Variants in CTC1 observed in about 807,000 individuals in gnomAD.
CTC1 encodes CST complex subunit CTC1.
A neutral mutation model predicts 136.3 loss-of-function variants in CTC1; 91 were observed. The observed-to-expected ratio is 0.67, with a 90% CI of 0.56 to 0.79. CTC1 has a LOEUF of 0.79. Among genes scored for constraint, CTC1 ranks in the 30% least tolerant of loss-of-function variants. The pLI, the probability that CTC1 is intolerant of heterozygous loss-of-function variation, is 0.00. For synonymous variants in CTC1, 606 were observed against 613.8 expected, an observed-to-expected ratio of 0.99 and a Z score of 0.19; for missense variants, 1,432 against 1,498.1, an observed-to-expected ratio of 0.96 and a Z score of 0.73.
chr17:8,235,256 C>T lies in CTC1; in HGVS notation c.1236G>A (p.Val412=). 6.2e-7 allele frequency: 1 copy of T among 1,614,038 alleles called. No individual in the cohort carries two copies. Among genetic ancestry groups the T allele is most frequent in the African/African-American group, 1.3e-5 (1 of 75,036 alleles). ...GCACTGGCCTTCTTGTCCCCCCTCC[C>T]ACTGACTGGAGCAGGTGAACATCCT... ...QLQDVHLLQS[V]GGGTRRPVLA... The change falls in exon 8 of 23, where the codon GTG becomes GTA. Residue 412 remains valine (V), a synonymous_variant. Transcript: ENST00000651323.
At position 8,235,280 on chromosome 17, in the gene CTC1, C is replaced by G; in HGVS notation, c.1212G>C (p.Gln404His). 2.5e-6 allele frequency: 4 copies of G among 1,611,832 alleles called. No homozygotes were observed. Among genetic ancestry groups the G allele is most frequent in the Non-Finnish European group, 2.5e-6 (3 of 1,178,126 alleles). The change falls in exon 8 of 23, where the codon CAG (glutamine) becomes CAC (histidine). Residue 404 changes from glutamine (Q) to histidine (H), a missense_variant. Physicochemically the swap from Gln to His is conservative, Grantham distance 24. Coordinates refer to ENST00000651323, the MANE Select transcript of CTC1 (RefSeq NM_025099.6). ...CCACTGACTGGAGCAGGTGAACATC[C>G]TGGAGCTGGGGGAAAGCAGAGAAAA... is the stretch of plus-strand genomic sequence containing the variant. ...VMRPGVCLQL[Q>H]DVHLLQSVGG... is the part of the protein sequence containing the mutation.
chr17:8,242,555 TATATATATATATATATATATATATACAC>T (rs1988354751), intron 2 of CTC1, among the ~76,000 whole-genome samples: 1 of 54,018 alleles, frequency 1.9e-5, no homozygotes. Context: ...AAAAAAAAAA[TATATATATATATATATATATATATACAC>T]ATATATATAT....
intron 10 of CTC1, 53 bp downstream of exon 10, chr17:8,234,402 A>T (rs956767302): frequency 4.6e-5 from 69 of 1,496,114 alleles, no homozygotes; most frequent in Non-Finnish European, 5.9e-5. Flanking sequence ...GAGTCGTGGC[A>T]ATAAGGATGA....
At chr17:8,237,302 T>C in intron 5 of CTC1, 73 bp downstream of exon 5, 4 of 1,559,848 alleles carry the variant, frequency 2.6e-6, no homozygotes, top group Admixed American at 1.7e-5. Context: ...GCTCCTCCTA[T>C]GATGCTATCT....
Position 8,228,867 on chromosome 17 carries a change from C to T in CTC1, c.3247G>A (p.Glu1083Lys), listed in dbSNP as rs201885165. 417 of 1,613,706 alleles carry T rather than the reference C, an allele frequency of 2.6e-4. 1 individual carries two copies. The highest frequency in any genetic ancestry group is 3.3e-4 in the Non-Finnish European group (392 of 1,179,838). ...TGATTCCTACAGGTCACCACGGCTT[C>T]GGCAGTCCCATCCTCCACCAGGAGC... ...IRLLVEDGTA[E>K]AVVTCRNHHV... Residue 1083 changes from glutamate to lysine, a missense_variant, in exon 21 of 23, where the codon GAA (glutamate) becomes AAA (lysine). By Grantham distance (56) the Glu-to-Lys change is moderately conservative. Coordinates refer to ENST00000651323, the MANE Select transcript of CTC1 (RefSeq NM_025099.6).
rs1412228092 is a variant in CTC1 at position 8,246,026 on chromosome 17, G to C, written c.33+1978C>G. Reference sequence around the variant, plus strand: ...TTGAGACCCGCCTGGGCAACATGGTGAAACTCTAAAACAATTCAAAATTAG... The same window carrying C: ...TTGAGACCCGCCTGGGCAACATGGTCAAACTCTAAAACAATTCAAAATTAG... On this transcript the variant is annotated intron_variant, in intron 1 of 22. Transcript: ENST00000651323. Among the ~76,000 whole-genome samples the C allele has an allele frequency of 2.0e-5, 3 of 150,332 alleles. 1 individual carries two copies. The highest frequency in any genetic ancestry group is 1.3e-4 in the Admixed American group (2 of 14,888).
intron 15 of CTC1, 75 bp downstream of exon 15, chr17:8,231,200 AG>A: frequency 8.7e-7 from 1 of 1,148,992 alleles, no homozygotes; most frequent in Non-Finnish European, 1.2e-6. Context: ...CAGAAAATGA[AG>A]TCTTCACCAA....
rs1567609845 is a variant in CTC1 at position 8,235,846 on chromosome 17, A to AG, written c.1190dup (p.Gly398TrpfsTer130). 1 of 1,612,398 alleles carries AG rather than the reference A, an allele frequency of 6.2e-7. No homozygotes were observed. Among genetic ancestry groups the AG allele is most frequent in the Non-Finnish European group, 8.5e-7 (1 of 1,178,764 alleles). On this transcript the variant is annotated frameshift_variant, in exon 7 of 23. Transcript: ENST00000651323. LOFTEE classifies it high-confidence loss of function. The stretch of plus-strand genomic sequence containing the variant: ...TCTCACATACCTGCAGACACACTCC[A>AG]GGTCGCATCACCCGCCTAAGGCCAC...
rs201318282 is a variant in CTC1 at position 8,236,115 on chromosome 17, C to T, written c.1020G>A (p.Ser340=). The stretch of plus-strand genomic sequence containing the variant: ...GACTTTCTGGATCCTTCTTGTCCTC[C>T]GAGTTGCTGGGCATGGGGAGTGGCT... ...DPKPLPMPSN[S]EDKKDPESLV... is the part of the protein sequence containing the mutation. The change falls in exon 6 of 23, where the codon TCG becomes TCA. Residue 340 remains serine, a synonymous_variant. Coordinates refer to ENST00000651323, the MANE Select transcript of CTC1 (RefSeq NM_025099.6). 16 of 1,614,196 alleles carry T rather than the reference C, an allele frequency of 9.9e-6. 1 individual carries two copies. Among genetic ancestry groups the T allele is most frequent in the Admixed American group, 1.7e-5 (1 of 60,026 alleles).
intron 5 of CTC1, among the ~76,000 whole-genome samples, chr17:8,236,783 A>G (rs1987765810): frequency 1.3e-5 from 2 of 152,172 alleles, no homozygotes; most frequent in African/African-American, 4.8e-5. Context: ...AATTTCTATA[A>G]AAAGGAAAAG....
chr17:8,236,382 C>G, intron 5 of CTC1, 40 bp from the exon 6 acceptor site: 1 of 1,574,060 alleles, frequency 6.4e-7, no homozygotes, highest in Non-Finnish European at 8.6e-7. Context: ...ACAAGAGACC[C>G]CAACACTGCC....
chr17:8,244,763 G>A (rs1043917957), intron 1 of CTC1, among the ~76,000 whole-genome samples: 1 of 152,090 alleles, frequency 6.6e-6, no homozygotes, highest in Non-Finnish European at 1.5e-5. Flanking sequence ...CTGAACTCAA[G>A]TGATCCGCCC....
Position 8,236,229 on chromosome 17 carries a change from A to G in CTC1, c.906T>C (p.Ser302=). ...TCAGCAGCAACAGACGGGAGGACTG[A>G]CTGGTCATCCAAACATGCTGGCGCT... ...RGQRQHVWMT[S]QSSRLLLLKP... The change falls in exon 6 of 23, where the codon AGT becomes AGC. Residue 302 remains serine (S), a synonymous_variant. Transcript: ENST00000651323. 1 of 1,614,204 alleles carries G rather than the reference A, an allele frequency of 6.2e-7. No individual in the cohort carries two copies. The highest frequency in any genetic ancestry group is 8.5e-7 in the Non-Finnish European group (1 of 1,180,044).
intron 2 of CTC1, among the ~76,000 whole-genome samples, chr17:8,241,514 G>C (rs529260046): frequency 6.6e-6 from 1 of 150,704 alleles, no homozygotes; most frequent in Non-Finnish European, 1.5e-5. Context: ...CAAGAGGCAG[G>C]AGAATCACTT....
rs200597808 is a variant in CTC1, at chr17:8,242,533, G to A, written c.197+452C>T. On this transcript the variant is annotated intron_variant, in intron 2 of 22. Transcript: ENST00000651323. Reference sequence around the variant, plus strand: ...ACTTTTGGAAATGATAGTGTAGAGAGAAAAAAAAAAAAAAAAAAAAATATA... The same window carrying A: ...ACTTTTGGAAATGATAGTGTAGAGAAAAAAAAAAAAAAAAAAAAAAATATA... Among the ~76,000 whole-genome samples the A allele has an allele frequency of 7.6e-4, 64 of 83,848 alleles. 1 individual carries two copies. The highest frequency in any genetic ancestry group is 2.3e-3 in the African/African-American group (45 of 19,484). 55.0% of individuals were successfully genotyped at this position (83,848 alleles called of 152,430 possible). A position where few individuals can be genotyped will look rare whatever the true frequency, so the allele number is the denominator to read the frequency against.
In CTC1 at chr17:8,226,809, C is replaced by T. The variant is rs1986735836; in HGVS notation, c.*1371G>A. 1 of 152,212 alleles carries T rather than the reference C, an allele frequency of 6.6e-6. No homozygotes were observed. Among genetic ancestry groups the T allele is most frequent in the Non-Finnish European group, 1.5e-5 (1 of 68,052 alleles). 9.4% of individuals were successfully genotyped at this position (152,212 alleles called of 1,614,324 possible). The stretch of plus-strand genomic sequence containing the variant: ...ACGCGGCGGTTGCACGTGAACCTTC[C>T]TTTCACCCGGGTGCCCAGAGACTCC... On this transcript the variant is annotated 3_prime_UTR_variant, in exon 23 of 23. Transcript: ENST00000651323.
Position 8,243,320 on chromosome 17 carries a change from G to A in CTC1, c.34-172C>T, listed in dbSNP as rs370232132. Among the ~76,000 whole-genome samples the A allele has an allele frequency of 1.1e-3, 164 of 152,266 alleles. 6 individuals are homozygous for A. The South Asian group carries it at 0.03, about 28-fold the overall frequency. ...GGATCACTTGAGGTTGGGAGTTCGA[G>A]ACCAGCCTGACCAACATGGTGAAAC... is the stretch of plus-strand genomic sequence containing the variant. On this transcript the variant is annotated intron_variant, in intron 1 of 22. Coordinates refer to ENST00000651323, the MANE Select transcript of CTC1 (RefSeq NM_025099.6).
At chr17:8,245,273 C>T (rs1175064396) in intron 1 of CTC1, among the ~76,000 whole-genome samples, 6 of 152,054 alleles carry the variant, frequency 3.9e-5, no homozygotes, top group South Asian at 4.2e-4. Flanking sequence ...AACCTGCGCA[C>T]GTCCCCCTGA....
rs531109382 is a variant in CTC1, at chr17:8,238,599, G to T, written c.228C>A (p.His76Gln). The change falls in exon 3 of 23, where the codon CAC becomes CAA. Residue 76 changes from histidine (H) to glutamine (Q), a missense_variant. Transcript: ENST00000651323. ...SFVSVQDLKT[H>Q]QRLPCCSHLS... ...GGTGGCTGCAGCATGGGAGACGCTG[G>T]TGAGTCTTGAGGTCCTGTACTGAGA... The T allele has an allele frequency of 1.2e-6, 2 of 1,612,198 alleles. No individual in the cohort carries two copies. The highest frequency in any genetic ancestry group is 8.5e-7 in the Non-Finnish European group (1 of 1,178,986).
Sources: allele counts gnomAD v4.1 joint callset (sites outside exome capture counted in the v4.1 genomes callset), GRCh38; gene constraint gnomAD v4.1.1; transcripts MANE v1.5; gene names NCBI Gene and HGNC (gene_info 2026-07-23, HGNC 2026-07-21).